The following CNTNAP2 variants were observed in gnomAD, a reference collection of about 807,000 sequenced individuals.
CNTNAP2 encodes contactin-associated protein-like 2.
CNTNAP2 carries 98 observed loss-of-function variants against 155.2 expected under a neutral mutation model. The ratio of observed to expected loss-of-function variants is 0.63; its 90% confidence interval spans 0.54 to 0.75. CNTNAP2 has a LOEUF of 0.75. Among genes scored for constraint, CNTNAP2 ranks in the 30% least tolerant of loss-of-function variants. The pLI, the probability that CNTNAP2 is intolerant of heterozygous loss-of-function variation, is 0.00. For synonymous variants in CNTNAP2, 651 were observed against 631.2 expected, an observed-to-expected ratio of 1.03 and a Z score of -0.47; for missense variants, 1,727 against 1,688.1, an observed-to-expected ratio of 1.02 and a Z score of -0.40.
At chr7:147,594,849 A>G (rs1800799120) in intron 12 of CNTNAP2, among the ~76,000 whole-genome samples, 1 of 152,218 alleles carries the variant, frequency 6.6e-6, no homozygotes, top group African/African-American at 2.4e-5. Flanking sequence ...GTAAAAACAA[A>G]GTTCTTATCA....
chr7:146,687,461 A>G (rs2129170964), intron 1 of CNTNAP2, among the ~76,000 whole-genome samples: 1 of 151,556 alleles, frequency 6.6e-6, no homozygotes, highest in African/African-American at 2.4e-5. Flanking sequence ...AGTCCTCATC[A>G]TTGTCTGTGC....
intron 1 of CNTNAP2, among the ~76,000 whole-genome samples, chr7:146,554,721 T>G (rs1346761687): frequency 6.6e-6 from 1 of 152,212 alleles, no homozygotes; most frequent in African/African-American, 2.4e-5. Context: ...TATTATTCAC[T>G]GTAAACTCGG....
At chr7:147,074,235 A>G (rs1411037473) in intron 4 of CNTNAP2, among the ~76,000 whole-genome samples, 1 of 151,932 alleles carries the variant, frequency 6.6e-6, no homozygotes, top group Non-Finnish European at 1.5e-5. Flanking sequence ...TCTTCCATTT[A>G]TCATCTGCTT....
intron 13 of CNTNAP2, among the ~76,000 whole-genome samples, chr7:147,828,919 G>A (rs1028995883): frequency 2.0e-5 from 3 of 152,130 alleles, no homozygotes; most frequent in African/African-American, 7.2e-5. Context: ...ATATTACTTA[G>A]TTCTTGGGTA....
chr7:148,115,934 T>A (rs1189065449), intron 15 of CNTNAP2, among the ~76,000 whole-genome samples: 2 of 151,394 alleles, frequency 1.3e-5, no homozygotes, highest in Non-Finnish European at 2.9e-5. Context: ...AGGTCAGGAG[T>A]TCGAGACCAG....
chr7:147,632,885 A>G (rs981085030), intron 12 of CNTNAP2, among the ~76,000 whole-genome samples: 1 of 152,200 alleles, frequency 6.6e-6, no homozygotes, highest in Non-Finnish European at 1.5e-5. Flanking sequence ...ACTTATTGGG[A>G]ACTGGAGTAA....
intron 1 of CNTNAP2, among the ~76,000 whole-genome samples, chr7:146,396,436 G>T (rs1034272707): frequency 2.0e-5 from 3 of 151,754 alleles, no homozygotes; most frequent in Non-Finnish European, 2.9e-5. Flanking sequence ...TTCAATTACT[G>T]TTACTAAATT....
At position 146,903,672 on chromosome 7, in the gene CNTNAP2, G is replaced by A. The variant is rs141416428; in HGVS notation, c.402+63768G>A. 5.5e-4 allele frequency among the ~76,000 whole-genome samples: 84 copies of A among 152,248 alleles called. 1 individual carries two copies. The highest frequency in any genetic ancestry group is 1.9e-3 in the African/African-American group (79 of 41,552). On this transcript the variant is annotated intron_variant, in intron 3 of 23. Transcript: ENST00000361727. ...GGCAAAGGAATCAGCGGATCTCACA[G>A]ACCTAGAGAGGAGAAAGGTGGTCAC...
intron 15 of CNTNAP2, among the ~76,000 whole-genome samples, chr7:148,025,308 G>C (rs1436373912): frequency 1.3e-5 from 2 of 152,106 alleles, no homozygotes; most frequent in Non-Finnish European, 2.9e-5. Flanking sequence ...TCATACCAGG[G>C]AACTGGCTCA....
chr7:147,471,318 T>C (rs1365786410), intron 10 of CNTNAP2, among the ~76,000 whole-genome samples: 3 of 152,196 alleles, frequency 2.0e-5, no homozygotes, highest in Admixed American at 6.5e-5. Context: ...GTTAAATTAA[T>C]GACACTACAA....
intron 2 of CNTNAP2, among the ~76,000 whole-genome samples, chr7:146,820,859 G>A (rs956682677): frequency 6.6e-6 from 1 of 152,134 alleles, no homozygotes; most frequent in Non-Finnish European, 1.5e-5. Context: ...TGTATTGGGT[G>A]CATATATATT....
intron 1 of CNTNAP2, among the ~76,000 whole-genome samples, chr7:146,747,596 T>C (rs1801830644): frequency 6.6e-6 from 1 of 152,202 alleles, no homozygotes; most frequent in Admixed American, 6.5e-5. Flanking sequence ...TAAAGCATTA[T>C]TTTATACGTT....
chr7:147,635,262 A>T (rs1795158819), intron 12 of CNTNAP2, among the ~76,000 whole-genome samples: 1 of 150,510 alleles, frequency 6.6e-6, no homozygotes, highest in Non-Finnish European at 1.5e-5. Context: ...GAAGAATATA[A>T]GCTCCAAAAC....
intron 1 of CNTNAP2, among the ~76,000 whole-genome samples, chr7:146,334,234 A>T (rs1801234054): frequency 6.6e-6 from 1 of 152,144 alleles, no homozygotes. Context: ...GATCGAGACC[A>T]TCCTGGCTAA....
At chr7:148,339,766 A>T (rs1206728116) in intron 21 of CNTNAP2, 1 of 152,190 alleles carries the variant, frequency 6.6e-6, no homozygotes, top group East Asian at 1.9e-4. Flanking sequence ...GGGGCACTGT[A>T]ACTGGATTTT....
chr7:147,060,216 A>G (rs879487297), intron 4 of CNTNAP2, among the ~76,000 whole-genome samples: 23 of 152,162 alleles, frequency 1.5e-4, no homozygotes, highest in African/African-American at 4.3e-4. Flanking sequence ...TGAGGGGAAC[A>G]CAGTACATCT....
intron 13 of CNTNAP2, among the ~76,000 whole-genome samples, chr7:147,834,485 T>G (rs542610681): frequency 9.8e-5 from 15 of 152,302 alleles, no homozygotes; most frequent in Non-Finnish European, 2.1e-4. Flanking sequence ...AATTCAACTT[T>G]TTAATAGCTG....
chr7:147,852,472 C>T (rs985831127), intron 13 of CNTNAP2, among the ~76,000 whole-genome samples: 10 of 152,100 alleles, frequency 6.6e-5, no homozygotes, highest in Non-Finnish European at 1.0e-4. Context: ...GTCTTAATGT[C>T]GACTCTTGAC....
intron 1 of CNTNAP2, among the ~76,000 whole-genome samples, chr7:146,195,934 A>G (rs1298962093): frequency 6.6e-6 from 1 of 152,214 alleles, no homozygotes; most frequent in African/African-American, 2.4e-5. Context: ...TTCCATCATG[A>G]TGGTGTGAAT....
Sources: gnomAD v4.1 joint callset for allele counts (sites outside exome capture counted in the v4.1 genomes callset) on GRCh38, gnomAD v4.1.1 for gene constraint, MANE v1.5 for transcripts, NCBI Gene and HGNC (gene_info 2026-07-23, HGNC 2026-07-21) for gene names.